The following USH2A variants were observed in gnomAD, a reference collection of about 807,000 sequenced individuals.
USH2A encodes the protein Usher syndrome 2A (autosomal recessive, mild).
In USH2A, 443 loss-of-function variants were observed where a neutral mutation model predicts 538.9. The ratio of observed to expected loss-of-function variants is 0.82; its 90% CI spans 0.76 to 0.89. The LOEUF (loss-of-function observed/expected upper bound fraction) is 0.89, where lower values mean the gene tolerates loss of function less well. Among genes scored for constraint, USH2A ranks in the 40% least tolerant of loss-of-function variants. The pLI is 0.00. For missense variants in USH2A, 6,633 were observed against 6,324.8 expected, an observed-to-expected ratio of 1.05 and a Z score of -1.65; for synonymous variants, 2,413 against 2,273.5, an observed-to-expected ratio of 1.06 and a Z score of -1.75.
intron 14 of USH2A, among the ~76,000 whole-genome samples, chr1:216,226,903 C>T (rs1246358643): frequency 1.3e-5 from 2 of 152,116 alleles, no homozygotes; most frequent in Non-Finnish European, 2.9e-5. Context: ...CTTACCTATC[C>T]AAACCTGGGT....
chr1:215,804,743 T>A (rs1355161191), intron 49 of USH2A, among the ~76,000 whole-genome samples: 5 of 151,994 alleles, frequency 3.3e-5, no homozygotes, highest in African/African-American at 1.2e-4. Flanking sequence ...TCAGGGATCT[T>A]GAACTAGAAA....
chr1:215,642,821 G>T (rs180856967), intron 67 of USH2A, among the ~76,000 whole-genome samples: 207 of 152,058 alleles, frequency 1.4e-3, no homozygotes, highest in African/African-American at 4.7e-3. Flanking sequence ...CTTCAAATCA[G>T]GCCATTTTTC....
chr1:216,097,033 G>A (rs1344726086), intron 22 of USH2A, 50 bp downstream of exon 22: 1 of 1,532,156 alleles, frequency 6.5e-7, no homozygotes, highest in Non-Finnish European at 8.9e-7. Context: ...CTCAGTACCA[G>A]GCACCTACTA....
At chr1:216,229,269 GC>G (rs775009083) in intron 14 of USH2A, among the ~76,000 whole-genome samples, 2 of 151,114 alleles carry the variant, frequency 1.3e-5, no homozygotes, top group Non-Finnish European at 2.9e-5. Context: ...ACTCCAACCT[GC>G]CCCTCATTCT....
chr1:215,925,398 G>GA (rs1305600925), intron 38 of USH2A, among the ~76,000 whole-genome samples: 4 of 152,084 alleles, frequency 2.6e-5, no homozygotes, highest in East Asian at 3.9e-4. Flanking sequence ...TTTTTCCAGG[G>GA]AAAAAATAGC....
At chr1:215,985,675 G>A (rs1157532835) in intron 35 of USH2A, among the ~76,000 whole-genome samples, 2 of 152,004 alleles carry the variant, frequency 1.3e-5, no homozygotes, top group Admixed American at 1.3e-4. Flanking sequence ...TGCATGCATA[G>A]AATATTTAAT....
At chr1:216,365,617 T>C (rs1261713693) in intron 3 of USH2A, among the ~76,000 whole-genome samples, 1 of 152,158 alleles carries the variant, frequency 6.6e-6, no homozygotes, top group African/African-American at 2.4e-5. Flanking sequence ...AAGTTGCCAA[T>C]CATATTCTAG....
chr1:215,691,696 C>G (rs1427367956), intron 61 of USH2A, among the ~76,000 whole-genome samples: 1 of 152,160 alleles, frequency 6.6e-6, no homozygotes, highest in Non-Finnish European at 1.5e-5. Context: ...AATGTAAACT[C>G]CACAGAGTCA....
intron 8 of USH2A, 121 bp downstream of exon 8, chr1:216,323,353 T>C (rs2037655799): frequency 1.1e-6 from 1 of 870,410 alleles, no homozygotes; most frequent in Admixed American, 2.1e-5. Flanking sequence ...CCTAAAATCT[T>C]AGAGTATGAA....
intron 11 of USH2A, among the ~76,000 whole-genome samples, chr1:216,260,355 T>C (rs994368379): frequency 2.0e-5 from 3 of 152,142 alleles, no homozygotes; most frequent in Admixed American, 2.0e-4. Flanking sequence ...TTGAGAGCCT[T>C]AAGACTTGAA....
At chr1:215,809,023 T>C (rs1407127478) in intron 49 of USH2A, among the ~76,000 whole-genome samples, 1 of 152,120 alleles carries the variant, frequency 6.6e-6, no homozygotes, top group Non-Finnish European at 1.5e-5. Flanking sequence ...TATAATATGG[T>C]ATCTCTAAGA....
chr1:216,318,951 A>G (rs548227248), intron 9 of USH2A, among the ~76,000 whole-genome samples: 24 of 152,286 alleles, frequency 1.6e-4, no homozygotes, highest in African/African-American at 5.8e-4. Flanking sequence ...ACTGTGAGCA[A>G]TTAAAGACAG....
At chr1:216,270,939 A>G (rs2036562340) in intron 11 of USH2A, among the ~76,000 whole-genome samples, 1 of 152,130 alleles carries the variant, frequency 6.6e-6, no homozygotes, top group African/African-American at 2.4e-5. Context: ...ACACCTGGGT[A>G]CACAAAAGAG....
At chr1:216,086,956 A>G in intron 23 of USH2A, 136 bp from the exon 24 acceptor site, 1 of 681,152 alleles carries the variant, frequency 1.5e-6, no homozygotes, top group Non-Finnish European at 2.7e-6. Context: ...CCTGTTCATT[A>G]CTTTTCTTCA....
At chr1:216,028,661 A>G (rs1343877563) in intron 32 of USH2A, among the ~76,000 whole-genome samples, 1 of 152,140 alleles carries the variant, frequency 6.6e-6, no homozygotes, top group Non-Finnish European at 1.5e-5. Flanking sequence ...AGCGGAAAAA[A>G]ATAACTGTCA....
chr1:216,174,285 T>C (rs2034329356), intron 21 of USH2A: 1 of 978,584 alleles, frequency 1.0e-6, no homozygotes, highest in Admixed American at 6.2e-5. Context: ...AACATCTTTA[T>C]GAGTTTACAT....
In USH2A at chr1:216,289,348, T is replaced by G. The variant is rs201808654; in HGVS notation, c.1903A>C (p.Ile635Leu). 2 of 1,614,002 alleles carry G rather than the reference T, an allele frequency of 1.2e-6. No individual in the cohort carries two copies. The highest frequency in any genetic ancestry group is 1.7e-5 in the Admixed American group (1 of 60,022). ...CAGTCACAGGGTTTGCAAACATCTATGGCCGAAGGATCTGCACCAACTTGT... is the reference window on the plus strand; with the variant it reads ...CAGTCACAGGGTTTGCAAACATCTAGGGCCGAAGGATCTGCACCAACTTGT... Reference protein sequence around the residue: ...FRQVGADPSAIDVCKPCDCDT... With the variant: ...FRQVGADPSALDVCKPCDCDT... The change falls in exon 11 of 72, where the codon ATA becomes CTA. Residue 635 changes from isoleucine to leucine, a missense_variant. Ile to Leu is a conservative substitution (Grantham distance 5). Coordinates refer to ENST00000307340, the MANE Select transcript of USH2A (RefSeq NM_206933.4).
intron 14 of USH2A, among the ~76,000 whole-genome samples, chr1:216,219,544 A>T (rs1427087951): frequency 6.6e-6 from 1 of 152,128 alleles, no homozygotes; most frequent in African/African-American, 2.4e-5. Context: ...TAAATGAAAT[A>T]TATTTCACAT....
chr1:216,090,888 A>C (rs2102567068), intron 22 of USH2A, among the ~76,000 whole-genome samples: 1 of 152,282 alleles, frequency 6.6e-6, no homozygotes, highest in South Asian at 2.1e-4. Context: ...GTCTCATCAA[A>C]GTGTACTTAG....
Sources: gnomAD v4.1 joint callset for allele counts (sites outside exome capture counted in the v4.1 genomes callset) on GRCh38, gnomAD v4.1.1 for gene constraint, MANE v1.5 for transcripts, NCBI Gene and HGNC (gene_info 2026-07-23, HGNC 2026-07-21) for gene names.